Variants in MKRN2 observed in about 807,000 individuals in gnomAD.
MKRN2 encodes the protein makorin ring finger protein 2.
A neutral mutation model predicts 45.4 loss-of-function variants in MKRN2; 32 were observed. The observed-to-expected ratio is 0.70, with a 90% CI of 0.53 to 0.95. MKRN2 has a LOEUF of 0.95. Ranked by LOEUF, MKRN2 falls within the 40% of genes least tolerant of loss-of-function variation. The pLI, the probability that MKRN2 is intolerant of heterozygous loss-of-function variation, is 0.00. For missense variants in MKRN2, 526 were observed against 536.7 expected (o/e 0.98, Z 0.20); for synonymous variants, 206 against 192.4 (o/e 1.07, Z -0.59).
intron 6 of MKRN2, among the ~76,000 whole-genome samples, chr3:12,577,865 C>T (rs573334948): frequency 1.2e-4 from 18 of 152,086 alleles, no homozygotes; most frequent in African/African-American, 4.1e-4. Flanking sequence ...TTAGTAGAAA[C>T]GGGGTTTCAC....
At chr3:12,579,923 A>AG (rs773821070) in intron 6 of MKRN2, among the ~76,000 whole-genome samples, 43 of 152,214 alleles carry the variant, frequency 2.8e-4, no homozygotes, top group African/African-American at 5.8e-4. Context: ...ATCTCTTTAA[A>AG]GAAAAAAAAA....
intron 2 of MKRN2, 79 bp from the exon 3 acceptor site, chr3:12,569,992 G>A (rs972103517): frequency 5.9e-6 from 8 of 1,350,594 alleles, no homozygotes; most frequent in African/African-American, 2.9e-5. Context: ...AGCAGAAGGA[G>A]GGCCATTGGC....
chr3:12,567,990 A>C (rs2058079052), intron 1 of MKRN2, among the ~76,000 whole-genome samples: 1 of 152,230 alleles, frequency 6.6e-6, no homozygotes, highest in South Asian at 2.1e-4. Flanking sequence ...GAAACATCTG[A>C]AACAATGTAT....
Position 12,582,527 on chromosome 3 carries a change from A to G in MKRN2, c.*274A>G. 1 of 349,908 alleles carries G rather than the reference A, an allele frequency of 2.9e-6. No individual in the cohort carries two copies. Among genetic ancestry groups the G allele is most frequent in the Non-Finnish European group, 5.2e-6 (1 of 191,006 alleles). 21.7% of individuals were successfully genotyped at this position (349,908 alleles called of 1,614,324 possible). ...CAGGGGTAACAACTAACAAACACCC[A>G]AACTGTTTGGATTGATTGCTTTAAA... On this transcript the variant is annotated 3_prime_UTR_variant, in exon 8 of 8. Transcript: ENST00000170447.
At chr3:12,580,246 T>C (rs1051361280) in intron 6 of MKRN2, among the ~76,000 whole-genome samples, 3 of 152,104 alleles carry the variant, frequency 2.0e-5, no homozygotes, top group Admixed American at 1.3e-4. Context: ...CCTGATCGAG[T>C]TCATAGCCAG....
At position 12,582,551 on chromosome 3, in the gene MKRN2, A is replaced by C; in HGVS notation, c.*298A>C. ...CAAACTGTTTGGATTGATTGCTTTA[A>C]AAAACAAACCTGGCTCTTACCTTTG... On this transcript the variant is annotated 3_prime_UTR_variant, in exon 8 of 8. Coordinates refer to ENST00000170447, the MANE Select transcript of MKRN2 (RefSeq NM_014160.5). The C allele has an allele frequency of 3.5e-6, 1 of 288,336 alleles. No homozygotes were observed. Among genetic ancestry groups the C allele is most frequent in the Non-Finnish European group, 6.6e-6 (1 of 152,222 alleles). 17.9% of individuals were successfully genotyped at this position (288,336 alleles called of 1,614,324 possible).
Position 12,582,120 on chromosome 3 carries a change from T to C in MKRN2, c.1118T>C (p.Phe373Ser). 6.2e-7 allele frequency: 1 copy of C among 1,614,190 alleles called. No homozygotes were observed. The highest frequency in any genetic ancestry group is 8.5e-7 in the Non-Finnish European group (1 of 1,180,012). The change falls in exon 8 of 8, where the codon TTT becomes TCT. Residue 373 changes from phenylalanine to serine, a missense_variant. Physicochemically the swap from Phe to Ser is radical, Grantham distance 155. Transcript: ENST00000170447. Reference protein sequence around the residue: ...QLSSQGTVRFFNSVRLWDFIE... With the variant: ...QLSSQGTVRFSNSVRLWDFIE... ...GTCCACTGGCTGTTTTTGCAGTTCT[T>C]TAATTCAGTGCGGCTCTGGGATTTC...
At position 12,569,961 on chromosome 3, in the gene MKRN2, C is replaced by T. The variant is rs190071770; in HGVS notation, c.156-110C>T. The stretch of plus-strand genomic sequence containing the variant: ...TTTAAATATTGGAAAAGATGGCCGC[C>T]TTCTTCACCTCAACAAGTGCAGCAG... On this transcript the variant is annotated intron_variant, in intron 2 of 7. Coordinates refer to ENST00000170447, the MANE Select transcript of MKRN2 (RefSeq NM_014160.5). 53 of 1,075,684 alleles carry T rather than the reference C, an allele frequency of 4.9e-5. No individual in the cohort carries two copies. The African/African-American group carries it at 8.2e-4, about 17-fold the overall frequency. The allele number at this position is 1,075,684 out of a possible 1,614,324, so 66.6% of individuals were successfully genotyped here.
rs374881548 is a variant in MKRN2, at chr3:12,582,035, T to C, written c.1114-81T>C. On this transcript the variant is annotated intron_variant, in intron 7 of 7. Transcript: ENST00000170447. ...TACCGTTCCTGGCAGAGAAATGGGG[T>C]AGGCAAAAGAACGATCAAGGAACGC... The C allele has an allele frequency of 5.5e-5, 88 of 1,609,034 alleles. 4 individuals carry two copies. The highest frequency in any genetic ancestry group is 1.3e-4 in the African/African-American group (10 of 74,868).
At chr3:12,562,668 A>G (rs991150989) in intron 1 of MKRN2, among the ~76,000 whole-genome samples, 2 of 152,106 alleles carry the variant, frequency 1.3e-5, no homozygotes, top group Non-Finnish European at 2.9e-5. Context: ...GCCACTCCCC[A>G]TCACTCACAT....
chr3:12,581,964 A>T lies in MKRN2; in HGVS notation c.1113+12A>T, dbSNP rs768808426. Reference sequence around the variant, plus strand: ...AAGGCACTGTGAGGGTAAGGACTTTAGCCATCTCTAGTTGGGGACACTTAG... The same window carrying T: ...AAGGCACTGTGAGGGTAAGGACTTTTGCCATCTCTAGTTGGGGACACTTAG... On this transcript the variant is annotated intron_variant, in intron 7 of 7. Coordinates refer to ENST00000170447, the MANE Select transcript of MKRN2 (RefSeq NM_014160.5). 4.3e-6 allele frequency: 7 copies of T among 1,613,144 alleles called. No homozygotes were observed. In the East Asian group the frequency reaches 1.1e-4, roughly 26 times the overall value.
Position 12,574,656 on chromosome 3 carries a change from GGCCTTT to G in MKRN2, c.643-133_643-128del, listed in dbSNP as rs2058119812. The G allele has an allele frequency of 1.6e-5, 13 of 796,842 alleles. No individual in the cohort carries two copies. The East Asian group carries it at 3.2e-4, about 20-fold the overall frequency. 49.4% of individuals were successfully genotyped at this position (796,842 alleles called of 1,614,324 possible). On this transcript the variant is annotated intron_variant, in intron 4 of 7. Transcript: ENST00000170447. Reference sequence around the variant, plus strand: ...CAGTGTCCTGACTTGGGGGAGCCTGGGCCTTTGCTCACAGCAGTCGCTGTCAGTGTT... The same window carrying G: ...CAGTGTCCTGACTTGGGGGAGCCTGGGCTCACAGCAGTCGCTGTCAGTGTT...
rs1243621439 is a variant in MKRN2 at position 12,576,677 on chromosome 3, G to A, written c.904G>A (p.Val302Met). ...GATATCAGAGTTTGTAATTCCAAGT[G>A]TGTATTGGGTGGAAGATCAGAATAA... ...RVISEFVIPS[V>M]YWVEDQNKKN... The change falls in exon 6 of 8, where the codon GTG becomes ATG. Residue 302 changes from valine to methionine, a missense_variant. By Grantham distance (21) the Val-to-Met change is conservative. Transcript: ENST00000170447. 6.2e-7 allele frequency: 1 copy of A among 1,610,144 alleles called. No individual in the cohort carries two copies. The highest frequency in any genetic ancestry group is 8.5e-7 in the Non-Finnish European group (1 of 1,176,668).
chr3:12,581,004 C>CT (rs376776267), intron 6 of MKRN2, among the ~76,000 whole-genome samples: 72 of 147,776 alleles, frequency 4.9e-4, no homozygotes, highest in East Asian at 2.6e-3. Context: ...TCTTGGGTAT[C>CT]TTTTTTTTTT....
intron 3 of MKRN2, among the ~76,000 whole-genome samples, chr3:12,571,387 G>T (rs139105804): frequency 0.013 from 2,012 of 152,300 alleles, 49 homozygotes; most frequent in African/African-American, 0.045. Flanking sequence ...GGGATTACAG[G>T]CAAGAGCCAC....
intron 6 of MKRN2, among the ~76,000 whole-genome samples, chr3:12,580,297 A>C (rs1020164290): frequency 2.6e-5 from 4 of 152,222 alleles, no homozygotes; most frequent in African/African-American, 9.6e-5. Context: ...GGCTCTGGTG[A>C]GAGCAAACTG....
chr3:12,578,930 C>T (rs1297055536), intron 6 of MKRN2, among the ~76,000 whole-genome samples: 22 of 144,380 alleles, frequency 1.5e-4, no homozygotes, highest in Non-Finnish European at 1.9e-4. Flanking sequence ...GAGGGCAAGG[C>T]GTGGCAAGCA....
intron 6 of MKRN2, among the ~76,000 whole-genome samples, chr3:12,581,245 T>C (rs2058176432): frequency 6.6e-6 from 1 of 152,186 alleles, no homozygotes; most frequent in African/African-American, 2.4e-5. Flanking sequence ...CCAAAGCACA[T>C]AAGGCGTGAA....
chr3:12,567,587 C>G (rs1254716507), intron 1 of MKRN2, among the ~76,000 whole-genome samples: 1 of 147,668 alleles, frequency 6.8e-6, no homozygotes, highest in East Asian at 2.0e-4. Context: ...CTCCTGAGTT[C>G]AAGCGATTCT....
Sources: allele counts gnomAD v4.1 joint callset (sites outside exome capture counted in the v4.1 genomes callset), GRCh38; gene constraint gnomAD v4.1.1; transcripts MANE v1.5; gene names NCBI Gene and HGNC (gene_info 2026-07-23, HGNC 2026-07-21).